Variants in ACP1 observed in about 807,000 individuals in gnomAD.
ACP1 encodes the protein low molecular weight phosphotyrosine protein phosphatase.
In ACP1, 23 loss-of-function variants were observed where a neutral mutation model predicts 23.4. That is an observed-to-expected ratio of 0.98 (90% CI 0.71 to 1.39). ACP1 has a LOEUF of 1.39. Ranked by LOEUF, ACP1 falls within the 40% of genes most tolerant of loss-of-function variation. ACP1 has a pLI of 0.00. For synonymous variants in ACP1, 72 were observed against 67.2 expected (o/e 1.07, Z -0.35); for missense variants, 180 against 197.7 (o/e 0.91, Z 0.54).
chr2:269,862 T>C lies in ACP1; in HGVS notation c.44-2004T>C, dbSNP rs182472426. On this transcript the variant is annotated intron_variant, in intron 1 of 5. Transcript: ENST00000272065. ...AGTCTGCTACCATTGGATCATTTCC[T>C]TTTGTCCAGTGCCATTTCTACACAG... Among the ~76,000 whole-genome samples, 44 of 152,360 alleles carry C rather than the reference T, an allele frequency of 2.9e-4. No homozygotes were observed. The East Asian group carries it at 6.2e-3, about 21-fold the overall frequency.
chr2:271,820 T>TA (rs1323780452), intron 1 of ACP1, 46 bp from the exon 2 acceptor site: 21 of 1,489,822 alleles, frequency 1.4e-5, no homozygotes, highest in Non-Finnish European at 2.0e-5. Context: ...CATGTGCCCT[T>TA]CCATCCAACC....
chr2:268,450 A>G (rs1361809402), intron 1 of ACP1, among the ~76,000 whole-genome samples: 1 of 152,238 alleles, frequency 6.6e-6, no homozygotes, highest in Non-Finnish European at 1.5e-5. Context: ...AGGGTGCTTT[A>G]TGTTTTTGCA....
intron 1 of ACP1, among the ~76,000 whole-genome samples, chr2:270,474 A>C (rs1669998063): frequency 6.6e-6 from 1 of 151,918 alleles, no homozygotes; most frequent in South Asian, 2.1e-4. Context: ...TTTTAATATC[A>C]TCTCTAATCT....
chr2:272,327 T>A, intron 3 of ACP1, 177 bp downstream of exon 3: 1 of 1,602,342 alleles, frequency 6.2e-7, no homozygotes, highest in Non-Finnish European at 8.5e-7. Context: ...CTTGTTCAAT[T>A]TCTAATATAT....
At chr2:265,028 TC>T in intron 1 of ACP1, 21 bp downstream of exon 1, 1 of 1,611,582 alleles carries the variant, frequency 6.2e-7, no homozygotes, top group Non-Finnish European at 8.5e-7. Flanking sequence ...GCCGACTTAC[TC>T]ATGTTCTGAC....
chr2:277,162 G>C (rs1203809098), intron 5 of ACP1, 65 bp from the exon 6 acceptor site: 30 of 1,587,636 alleles, frequency 1.9e-5, no homozygotes, highest in Non-Finnish European at 2.5e-5. Context: ...TAACAGATGA[G>C]ATTGTGTTAA....
At position 266,684 on chromosome 2, in the gene ACP1, T is replaced by C. The variant is rs77182519; in HGVS notation, c.43+1677T>C. Among the ~76,000 whole-genome samples, 218 of 152,330 alleles carry C rather than the reference T, an allele frequency of 1.4e-3. 1 individual carries two copies. Among genetic ancestry groups the C allele is most frequent in the African/African-American group, 5.1e-3 (213 of 41,586 alleles). On this transcript the variant is annotated intron_variant, in intron 1 of 5. Transcript: ENST00000272065. The stretch of plus-strand genomic sequence containing the variant: ...GCATTTAAAACTGTGGTCGCAACTT[T>C]TGCAGTTTGAGGCAAGACAGCAGAC...
intron 1 of ACP1, among the ~76,000 whole-genome samples, chr2:265,727 G>T: frequency 6.6e-6 from 1 of 152,206 alleles, no homozygotes. Context: ...TGAGAGGAAG[G>T]CCTAAATTGT....
At position 272,037 on chromosome 2, in the gene ACP1, TGG is replaced by T. The variant is rs772330029; in HGVS notation, c.119_120del (p.Trp40Ter). On this transcript the variant is annotated frameshift_variant and splice_region_variant, in exon 3 of 6. Transcript: ENST00000272065. LOFTEE classifies it high-confidence loss of function. ...LVTDQNISENWRVDSAATSGY... is the reference protein window; with the variant it reads ...LVTDQNISENXRVDSAATSGY... ...AAATTCCATGTTTCTTCCCCTGCAGTGGAGGGTAGACAGCGCGGCAACTTCCG... is the reference window on the plus strand; with the variant it reads ...AAATTCCATGTTTCTTCCCCTGCAGTAGGGTAGACAGCGCGGCAACTTCCG... 6.2e-7 allele frequency: 1 copy of T among 1,609,698 alleles called. No homozygotes were observed. Among genetic ancestry groups the T allele is most frequent in the Non-Finnish European group, 8.5e-7 (1 of 1,178,578 alleles).
chr2:277,335 G>C lies in ACP1; in HGVS notation c.*31G>C. The C allele has an allele frequency of 6.3e-7, 1 of 1,599,690 alleles. No homozygotes were observed. The highest frequency in any genetic ancestry group is 8.6e-7 in the Non-Finnish European group (1 of 1,168,650). ...GTTCGTGCCCTGCTGCGGCCAGCCT[G>C]ACTAGACCCCACCCTGAGGTCCTGC... is the stretch of plus-strand genomic sequence containing the variant. On this transcript the variant is annotated 3_prime_UTR_variant, in exon 6 of 6. Transcript: ENST00000272065.
intron 3 of ACP1, 90 bp downstream of exon 3, chr2:272,240 C>T (rs200503887): frequency 1.0e-4 from 166 of 1,614,158 alleles, no homozygotes; most frequent in Non-Finnish European, 1.4e-4. Flanking sequence ...GGGCCGGTCC[C>T]CAGACCCAAG....
At chr2:266,720 T>C (rs1291077060) in intron 1 of ACP1, among the ~76,000 whole-genome samples, 2 of 152,244 alleles carry the variant, frequency 1.3e-5, no homozygotes, top group African/African-American at 4.8e-5. Context: ...GATCAGGAAT[T>C]TCTTTTTCCT....
intron 4 of ACP1, 24 bp from the exon 5 acceptor site, chr2:276,956 T>G: frequency 6.9e-7 from 1 of 1,458,890 alleles, no homozygotes; most frequent in Non-Finnish European, 9.5e-7. Context: ...ATCAGAAAAC[T>G]AAGTTCATAT....
intron 3 of ACP1, chr2:272,497 T>A: frequency 7.0e-7 from 1 of 1,430,864 alleles, no homozygotes; most frequent in Non-Finnish European, 9.1e-7. Context: ...AATTTACTTA[T>A]TAAAATGCAC....
rs748098298 is a variant in ACP1, at chr2:275,161, A to G, written c.253A>G (p.Thr85Ala). The change falls in exon 4 of 6, where the codon ACA (threonine) becomes GCA (alanine). Residue 85 changes from threonine (T) to alanine (A), a missense_variant. Transcript: ENST00000272065. The part of the protein sequence containing the change: ...ARQITKEDFA[T>A]FDYILCMDES... The stretch of plus-strand genomic sequence containing the variant: ...TTAGATTACCAAAGAAGATTTTGCC[A>G]CATTTGATTATATACTATGTATGGA... 1.1e-5 allele frequency: 17 copies of G among 1,540,888 alleles called. No individual in the cohort carries two copies. In the South Asian group the frequency reaches 2.0e-4, roughly 18 times the overall value.
intron 3 of ACP1, chr2:274,879 G>A (rs1226151056): frequency 1.1e-5 from 3 of 264,330 alleles, no homozygotes; most frequent in African/African-American, 4.4e-5. Flanking sequence ...AATTGAAGCC[G>A]ATGTATAAAC....
chr2:271,407 T>C (rs1331921942), intron 1 of ACP1, among the ~76,000 whole-genome samples: 1 of 152,110 alleles, frequency 6.6e-6, no homozygotes, highest in Middle Eastern at 3.2e-3. Flanking sequence ...GACCTGAGTA[T>C]GCACGTTTTG....
intron 1 of ACP1, among the ~76,000 whole-genome samples, chr2:266,917 T>C (rs1377916792): frequency 6.6e-6 from 1 of 152,180 alleles, no homozygotes; most frequent in Non-Finnish European, 1.5e-5. Context: ...CGGGCCATTA[T>C]TAGTAAACTA....
Position 276,708 on chromosome 2 carries a change from T to C in ACP1, c.294-272T>C, listed in dbSNP as rs1174611284. Among the ~76,000 whole-genome samples the C allele has an allele frequency of 2.0e-5, 3 of 152,320 alleles. No individual in the cohort carries two copies. In the East Asian group the frequency reaches 5.8e-4, roughly 29 times the overall value. On this transcript the variant is annotated intron_variant, in intron 4 of 5. Transcript: ENST00000272065. ...TCTCTGAAACTTGATTGTCTTAAAA[T>C]GTATTTTGTGGGAGAAAATATAATT... is the stretch of plus-strand genomic sequence containing the variant.
Sources: gnomAD v4.1 joint callset for allele counts (sites outside exome capture counted in the v4.1 genomes callset) on GRCh38, gnomAD v4.1.1 for gene constraint, MANE v1.5 for transcripts, NCBI Gene and HGNC (gene_info 2026-07-23, HGNC 2026-07-21) for gene names.